Variants in KANK1 observed in about 807,000 individuals in gnomAD.
KANK1 encodes KN motif and ankyrin repeat domain-containing protein 1.
In KANK1, 109 loss-of-function variants were observed where a neutral mutation model predicts 106.2. The ratio of observed to expected loss-of-function variants is 1.03; its 90% CI spans 0.88 to 1.20. The LOEUF (loss-of-function observed/expected upper bound fraction) is 1.20, where lower values mean the gene tolerates loss of function less well. KANK1 is among the 50% of genes most tolerant of loss of function. KANK1 has a pLI of 0.00. For missense variants in KANK1, 2,399 were observed against 1,710.7 expected (o/e 1.40, Z -7.10); for synonymous variants, 873 against 652.2 (o/e 1.34, Z -5.16).
At chr9:744,820 C>T in intron 11 of KANK1, 1 of 1,432,492 alleles carries the variant, frequency 7.0e-7, no homozygotes. Context: ...ATGCTCACAG[C>T]TTCCCATAGA....
chr9:572,939 A>G (rs1448775338), intron 1 of KANK1, among the ~76,000 whole-genome samples: 1 of 152,198 alleles, frequency 6.6e-6, no homozygotes, highest in African/African-American at 2.4e-5. Context: ...TTGCAGTCTC[A>G]TTACTATTAT....
At chr9:520,127 C>G (rs975719888) in intron 1 of KANK1, among the ~76,000 whole-genome samples, 3 of 151,600 alleles carry the variant, frequency 2.0e-5, no homozygotes, top group African/African-American at 4.9e-5. Context: ...CGCTTGAGCC[C>G]AGGAATTCAA....
chr9:656,460 C>T (rs1363922298), intron 1 of KANK1, among the ~76,000 whole-genome samples: 2 of 152,160 alleles, frequency 1.3e-5, no homozygotes, highest in Admixed American at 6.5e-5. Context: ...GCCTCTACCT[C>T]ATGCTGACCA....
At chr9:576,688 C>G (rs898816647) in intron 1 of KANK1, among the ~76,000 whole-genome samples, 1 of 151,962 alleles carries the variant, frequency 6.6e-6, no homozygotes, top group African/African-American at 2.4e-5. Context: ...AAAGCTTCAT[C>G]TTGAACTTGG....
intron 1 of KANK1, among the ~76,000 whole-genome samples, chr9:642,002 A>AC (rs1230504265): frequency 2.0e-5 from 3 of 151,684 alleles, no homozygotes; most frequent in African/African-American, 7.3e-5. Context: ...ACCACCACAC[A>AC]CCCCCCAGCA....
At chr9:655,253 C>A (rs1175442891) in intron 1 of KANK1, among the ~76,000 whole-genome samples, 2 of 151,930 alleles carry the variant, frequency 1.3e-5, no homozygotes, top group Admixed American at 6.6e-5. Context: ...CGCTTGTAAT[C>A]CCAGCTACTC....
intron 1 of KANK1, among the ~76,000 whole-genome samples, chr9:649,528 G>C (rs1332038848): frequency 1.3e-5 from 2 of 152,204 alleles, no homozygotes; most frequent in South Asian, 4.1e-4. Context: ...GCAGCTTACA[G>C]ATGTAAGTAA....
intron 1 of KANK1, among the ~76,000 whole-genome samples, chr9:675,158 A>C (rs1403867736): frequency 6.6e-6 from 1 of 152,198 alleles, no homozygotes; most frequent in Non-Finnish European, 1.5e-5. Flanking sequence ...ACATATTTTT[A>C]ATAAAATTAG....
At chr9:696,485 A>G (rs1588989520) in intron 2 of KANK1, among the ~76,000 whole-genome samples, 1 of 152,144 alleles carries the variant, frequency 6.6e-6, no homozygotes, top group South Asian at 2.1e-4. Flanking sequence ...AAAATGAGGT[A>G]TCTGGGTTGG....
intron 2 of KANK1, chr9:686,764 G>C: frequency 4.1e-6 from 4 of 985,368 alleles, no homozygotes; most frequent in Non-Finnish European, 4.8e-6. Flanking sequence ...TAAGGGATCT[G>C]AGTGGGCCCA....
At chr9:727,889 A>C (rs536651699) in intron 3 of KANK1, among the ~76,000 whole-genome samples, 11 of 152,314 alleles carry the variant, frequency 7.2e-5, no homozygotes, top group Non-Finnish European at 1.5e-4. Context: ...TAACCAACGG[A>C]ATAGATCCCT....
chr9:671,623 A>AAAAAAAAAAAAAAAAAAAAGAAG (rs79437342), intron 1 of KANK1, among the ~76,000 whole-genome samples: 2 of 103,626 alleles, frequency 1.9e-5, no homozygotes, highest in African/African-American at 4.4e-5. Flanking sequence ...CTCAAAAAAA[A>AAAAAAAAAAAAAAAAAAAAGAAG]AAAAGAGTGT....
chr9:642,196 A>G (rs1302685903), intron 1 of KANK1, among the ~76,000 whole-genome samples: 3 of 143,274 alleles, frequency 2.1e-5, no homozygotes, highest in African/African-American at 6.0e-5. Flanking sequence ...CTCTTTCCTC[A>G]TTGTGCTTCC....
intron 1 of KANK1, among the ~76,000 whole-genome samples, chr9:623,217 A>T (rs917914789): frequency 1.3e-5 from 2 of 148,330 alleles, no homozygotes; most frequent in African/African-American, 2.5e-5. Context: ...ATACTAAAAT[A>T]AAAAAAAAAG....
At chr9:707,251 G>T in intron 2 of KANK1, 2 of 985,726 alleles carry the variant, frequency 2.0e-6, no homozygotes, top group Non-Finnish European at 2.4e-6. Flanking sequence ...CCACGTGGTA[G>T]GTGAGCTGCG....
At chr9:529,988 A>C (rs2059985183) in intron 1 of KANK1, among the ~76,000 whole-genome samples, 1 of 152,218 alleles carries the variant, frequency 6.6e-6, no homozygotes, top group South Asian at 2.1e-4. Flanking sequence ...TTAAGTAAAA[A>C]ATGGTATCTC....
At position 684,348 on chromosome 9, in the gene KANK1, C is replaced by T. The variant is rs372913786; in HGVS notation, c.37+7339C>T. ...GCTCCTGGGTACTGGGCAAAGAAACCCTTTGGTTGGGGATTTTTGCCTGGT... is the reference window on the plus strand; with the variant it reads ...GCTCCTGGGTACTGGGCAAAGAAACTCTTTGGTTGGGGATTTTTGCCTGGT... On this transcript the variant is annotated intron_variant, in intron 2 of 11. Transcript: ENST00000382297. The T allele has an allele frequency of 5.1e-6, 5 of 985,196 alleles. No homozygotes were observed. The South Asian group carries it at 1.4e-4, about 28-fold the overall frequency. 61.0% of individuals were successfully genotyped at this position (985,196 alleles called of 1,614,324 possible).
At chr9:600,731 T>C (rs532535727) in intron 1 of KANK1, among the ~76,000 whole-genome samples, 37 of 151,982 alleles carry the variant, frequency 2.4e-4, no homozygotes, top group Admixed American at 1.8e-3. Flanking sequence ...GCAGTCATTT[T>C]TAAATAGCTT....
rs190638808 is a variant in KANK1 at position 549,025 on chromosome 9, A to C, written c.-84+44271A>C. On this transcript the variant is annotated intron_variant, in intron 1 of 11. Coordinates refer to ENST00000382297, the MANE Select transcript of KANK1 (RefSeq NM_015158.5). Reference sequence around the variant, plus strand: ...ATTGCATGAAATTATAGATATGGTCATGTAAGGTTACCTTTTTTCATTATA... The same window carrying C: ...ATTGCATGAAATTATAGATATGGTCCTGTAAGGTTACCTTTTTTCATTATA... 6 of 152,322 alleles carry C rather than the reference A, an allele frequency of 3.9e-5. No homozygotes were observed. In the East Asian group the frequency reaches 9.6e-4, roughly 24 times the overall value. 9.4% of individuals were successfully genotyped at this position (152,322 alleles called of 1,614,324 possible). A position where few individuals can be genotyped will look rare whatever the true frequency, so the allele number is the denominator to read the frequency against.
Sources: allele counts gnomAD v4.1 joint callset (sites outside exome capture counted in the v4.1 genomes callset), GRCh38; gene constraint gnomAD v4.1.1; transcripts MANE v1.5; gene names NCBI Gene and HGNC (gene_info 2026-07-23, HGNC 2026-07-21).